NRXN1: variants seen among roughly 807,000 people sequenced by gnomAD.
NRXN1 encodes the protein neurexin 1, also known as neurexin-1.
In NRXN1, 39 loss-of-function variants were observed where a neutral mutation model predicts 150.9. That is an observed-to-expected ratio of 0.26 (90% CI 0.20 to 0.34). The LOEUF (loss-of-function observed/expected upper bound fraction) is 0.34. Ranked by LOEUF, NRXN1 falls within the 10% of genes least tolerant of loss-of-function variation. The pLI is 1.00. For synonymous variants in NRXN1, 924 were observed against 757.0 expected, an observed-to-expected ratio of 1.22 and a Z score of -3.62; for missense variants, 1,815 against 1,949.9, an observed-to-expected ratio of 0.93 and a Z score of 1.30.
intron 2 of NRXN1, among the ~76,000 whole-genome samples, chr2:51,013,305 G>A (rs1241563395): frequency 1.3e-5 from 2 of 152,040 alleles, no homozygotes; most frequent in Non-Finnish European, 2.9e-5. Flanking sequence ...CCTGCCCAGA[G>A]TGTATTCCAG....
At chr2:50,708,342 A>T (rs1328438528) in intron 5 of NRXN1, among the ~76,000 whole-genome samples, 1 of 152,202 alleles carries the variant, frequency 6.6e-6, no homozygotes, top group South Asian at 2.1e-4. Context: ...AGGTTAACTG[A>T]ATTGTCAATT....
intron 17 of NRXN1, among the ~76,000 whole-genome samples, chr2:50,318,411 A>G (rs2075776824): frequency 6.6e-6 from 1 of 152,046 alleles, no homozygotes; most frequent in Non-Finnish European, 1.5e-5. Context: ...TATGCATTAT[A>G]TGTACTGCAA....
At position 50,346,872 on chromosome 2, in the gene NRXN1, GC is replaced by G; in HGVS notation, c.3365-109903del. On this transcript the variant is annotated intron_variant, in intron 17 of 22. Coordinates refer to ENST00000401669, the MANE Select transcript of NRXN1 (RefSeq NM_001330078.2). This position sits in a 1 kb window ranked among gnomAD's most constrained non-coding sequence, Gnocchi z 5.0. Reference sequence around the variant, plus strand: ...AAAGCAGGGCCAGGCGCCCCCCTGCGCCGCCGCCGCCGCCGCCGCCGCCGCC... The same window carrying G: ...AAAGCAGGGCCAGGCGCCCCCCTGCGCGCCGCCGCCGCCGCCGCCGCCGCC... 1 of 1,242,684 alleles carries G rather than the reference GC, an allele frequency of 8.0e-7. No homozygotes were observed. Among genetic ancestry groups the G allele is most frequent in the East Asian group, 3.7e-5 (1 of 27,324 alleles). 77.0% of individuals were successfully genotyped at this position (1,242,684 alleles called of 1,614,324 possible). A position where few individuals can be genotyped will look rare whatever the true frequency, so the allele number is the denominator to read the frequency against.
intron 17 of NRXN1, among the ~76,000 whole-genome samples, chr2:50,307,288 TTTTA>T (rs1347489081): frequency 1.3e-5 from 2 of 152,088 alleles, no homozygotes; most frequent in African/African-American, 2.4e-5. Flanking sequence ...GGCCTCTTCC[TTTTA>T]TTTAGTTTAT....
intron 10 of NRXN1, 151 bp downstream of exon 10, chr2:50,538,102 T>A: frequency 1.3e-6 from 1 of 778,212 alleles, no homozygotes; most frequent in East Asian, 2.7e-5. Flanking sequence ...AGCTCATTAG[T>A]AATCCATGTC....
chr2:50,016,535 A>T (rs890965527), intron 21 of NRXN1: 1 of 152,182 alleles, frequency 6.6e-6, no homozygotes, highest in Non-Finnish European at 1.5e-5. Flanking sequence ...GAAACTTACA[A>T]TCATCGTGGA....
intron 5 of NRXN1, among the ~76,000 whole-genome samples, chr2:50,657,821 T>C (rs1300743926): frequency 6.6e-6 from 1 of 152,056 alleles, no homozygotes; most frequent in African/African-American, 2.4e-5. Flanking sequence ...TGAGCTGTTA[T>C]TATCCACAAC....
At chr2:50,471,055 C>A (rs1373501168) in intron 16 of NRXN1, among the ~76,000 whole-genome samples, 3 of 151,524 alleles carry the variant, frequency 2.0e-5, no homozygotes, top group East Asian at 1.9e-4. Flanking sequence ...GAACTTTTTT[C>A]TTTTGTTATA....
chr2:50,897,127 C>A (rs1682097731), intron 5 of NRXN1, among the ~76,000 whole-genome samples: 1 of 152,172 alleles, frequency 6.6e-6, no homozygotes, highest in Admixed American at 6.5e-5. Flanking sequence ...ACAGCAACTG[C>A]TTTGGTGTTA....
At chr2:50,004,500 A>T (rs149796248) in intron 21 of NRXN1, among the ~76,000 whole-genome samples, 1 of 152,114 alleles carries the variant, frequency 6.6e-6, no homozygotes, top group African/African-American at 2.4e-5. Context: ...TCTTCTCCCT[A>T]CTGCTAATTT....
intron 17 of NRXN1, among the ~76,000 whole-genome samples, chr2:50,450,542 T>C (rs1400117491): frequency 6.6e-6 from 1 of 152,136 alleles, no homozygotes; most frequent in African/African-American, 2.4e-5. Flanking sequence ...CTTTCTGTAT[T>C]TCTCATTATG....
At chr2:50,561,033 A>G (rs1668997325) in intron 8 of NRXN1, among the ~76,000 whole-genome samples, 2 of 152,206 alleles carry the variant, frequency 1.3e-5, no homozygotes, top group Admixed American at 1.3e-4. Flanking sequence ...AAAGAGAAAA[A>G]TATTTTTACC....
At chr2:50,860,390 T>C (rs1413834243) in intron 5 of NRXN1, among the ~76,000 whole-genome samples, 3 of 152,032 alleles carry the variant, frequency 2.0e-5, no homozygotes, top group Non-Finnish European at 4.4e-5. Context: ...TTATATATGA[T>C]TTTAGAGAAG....
intron 21 of NRXN1, among the ~76,000 whole-genome samples, chr2:49,979,748 CT>C (rs901935970): frequency 3.3e-5 from 5 of 151,968 alleles, no homozygotes; most frequent in African/African-American, 1.2e-4. Context: ...ATTATTTTTC[CT>C]TTTTCTCCTT....
chr2:50,468,065 G>T lies in NRXN1; in HGVS notation c.3245-2504C>A, dbSNP rs539622346. On this transcript the variant is annotated intron_variant, in intron 16 of 22. Coordinates refer to ENST00000401669, the MANE Select transcript of NRXN1 (RefSeq NM_001330078.2). ...TCTTCCAGTGTTAAGCAAATAAACA[G>T]GGAGTAATACAAGCCCAGTTTGGGG... Among the ~76,000 whole-genome samples, 397 of 151,656 alleles carry T rather than the reference G, an allele frequency of 2.6e-3. 2 individuals carry two copies. The highest frequency in any genetic ancestry group is 0.014 in the Middle Eastern group (4 of 294).
At chr2:49,935,968 T>C (rs960350763) in intron 22 of NRXN1, among the ~76,000 whole-genome samples, 13 of 152,170 alleles carry the variant, frequency 8.5e-5, no homozygotes, top group Admixed American at 2.6e-4. Context: ...CAACAGGACA[T>C]GTGCCATACT....
chr2:50,320,790 G>A (rs1204664132), intron 17 of NRXN1, among the ~76,000 whole-genome samples: 1 of 152,098 alleles, frequency 6.6e-6, no homozygotes, highest in Non-Finnish European at 1.5e-5. Flanking sequence ...AGAATATGAA[G>A]AGAAGTACCA....
chr2:50,612,763 C>T (rs1678398977), intron 8 of NRXN1, among the ~76,000 whole-genome samples: 1 of 152,148 alleles, frequency 6.6e-6, no homozygotes, highest in Non-Finnish European at 1.5e-5. Flanking sequence ...GGACTATCAA[C>T]TCAGGGATGG....
intron 15 of NRXN1, among the ~76,000 whole-genome samples, chr2:50,481,854 C>T (rs2090489282): frequency 7.7e-6 from 1 of 130,068 alleles, no homozygotes; most frequent in Non-Finnish European, 1.5e-5. Flanking sequence ...CAAGCTCCGC[C>T]TCCCGGGTTC....
Sources: gnomAD v4.1 joint callset for allele counts (sites outside exome capture counted in the v4.1 genomes callset) on GRCh38, gnomAD v4.1.1 for gene constraint, Gnocchi (gnomAD v3.1) non-coding constraint, MANE v1.5 for transcripts, NCBI Gene and HGNC (gene_info 2026-07-23, HGNC 2026-07-21) for gene names.